The following CATSPERE variants were observed in gnomAD, a reference collection of about 807,000 sequenced individuals.
CATSPERE encodes the protein cation channel sperm-associated auxiliary subunit epsilon.
Under a neutral mutation model 114.1 loss-of-function variants are expected in CATSPERE, and 93 were observed. That is an observed-to-expected ratio of 0.81 (90% CI 0.69 to 0.97). CATSPERE has a LOEUF of 0.97. Ranked by LOEUF, CATSPERE falls within the 50% of genes least tolerant of loss-of-function variation. The pLI, the probability that CATSPERE is intolerant of heterozygous loss-of-function variation, is 0.00. For missense variants in CATSPERE, 1,058 were observed against 1,131.6 expected, an observed-to-expected ratio of 0.93 and a Z score of 0.93; for synonymous variants, 341 against 384.1, an observed-to-expected ratio of 0.89 and a Z score of 1.31.
chr1:244,609,937 C>T (rs1029613086), intron 18 of CATSPERE, among the ~76,000 whole-genome samples: 2 of 152,116 alleles, frequency 1.3e-5, no homozygotes, highest in African/African-American at 2.4e-5. Context: ...GTCCTAGGTA[C>T]TTGAGAGGCT....
At chr1:244,590,051 T>C (rs964235718) in intron 14 of CATSPERE, among the ~76,000 whole-genome samples, 3 of 152,172 alleles carry the variant, frequency 2.0e-5, no homozygotes, top group Non-Finnish European at 2.9e-5. Context: ...AGTTGTCAAC[T>C]CTTGGGGTCC....
chr1:244,619,934 G>A (rs960696810), intron 20 of CATSPERE, among the ~76,000 whole-genome samples: 1 of 152,096 alleles, frequency 6.6e-6, no homozygotes, highest in African/African-American at 2.4e-5. Context: ...AATTTTATTA[G>A]GAGACTTTAA....
intron 2 of CATSPERE, among the ~76,000 whole-genome samples, chr1:244,467,350 G>C (rs941709970): frequency 6.6e-6 from 1 of 152,116 alleles, no homozygotes; most frequent in Admixed American, 6.5e-5. Context: ...CACAAAAAAG[G>C]ATGTACAAAT....
chr1:244,630,339 A>T (rs920138710), intron 20 of CATSPERE, among the ~76,000 whole-genome samples: 3 of 152,214 alleles, frequency 2.0e-5, no homozygotes, highest in Admixed American at 1.3e-4. Context: ...GTACAGTGTA[A>T]TATATTTAAG....
intron 5 of CATSPERE, among the ~76,000 whole-genome samples, chr1:244,488,636 G>A (rs185733405): frequency 1.2e-4 from 18 of 152,116 alleles, no homozygotes; most frequent in Admixed American, 3.9e-4. Flanking sequence ...TTTTATTATC[G>A]ACAAGTATTT....
chr1:244,538,027 A>G (rs1322914468), intron 8 of CATSPERE, among the ~76,000 whole-genome samples: 2 of 152,186 alleles, frequency 1.3e-5, no homozygotes, highest in African/African-American at 4.8e-5. Flanking sequence ...AACTAGTTGT[A>G]AAAATGCATG....
chr1:244,547,350 G>A (rs1659916792), intron 8 of CATSPERE, among the ~76,000 whole-genome samples: 1 of 152,128 alleles, frequency 6.6e-6, no homozygotes. Context: ...TGAAAGAAAA[G>A]GATGCTAATG....
intron 17 of CATSPERE, among the ~76,000 whole-genome samples, chr1:244,603,080 CTGGTTGTAG>C (rs1669494899): frequency 1.3e-5 from 2 of 152,074 alleles, no homozygotes; most frequent in African/African-American, 4.8e-5. Flanking sequence ...GGGACTCTCC[CTGGTTGTAG>C]TGTGTCTGCC....
intron 7 of CATSPERE, among the ~76,000 whole-genome samples, chr1:244,516,524 G>GC (rs1676652367): frequency 7.0e-6 from 1 of 142,268 alleles, no homozygotes; most frequent in Non-Finnish European, 1.5e-5. Context: ...AAAGGGTTTT[G>GC]TTTTTTTTTT....
rs887192399 is a variant in CATSPERE, at chr1:244,637,465, A to G, written c.2702+1923A>G. On this transcript the variant is annotated intron_variant, in intron 21 of 21. Transcript: ENST00000366534. ...CACCTTCCACACTGTCATTACTTGT[A>G]ACTTCTCTGCTTCCTAAAGCATCAA... Among the ~76,000 whole-genome samples, 16 of 152,236 alleles carry G rather than the reference A, an allele frequency of 1.1e-4. No individual in the cohort carries two copies. The East Asian group carries it at 3.1e-3, about 29-fold the overall frequency.
chr1:244,489,705 G>A (rs565965663), intron 5 of CATSPERE, among the ~76,000 whole-genome samples: 109 of 152,072 alleles, frequency 7.2e-4, no homozygotes, highest in African/African-American at 2.6e-3. Flanking sequence ...AACTTGCTTA[G>A]GTCAGGGTAT....
At chr1:244,476,906 G>A (rs776292353) in intron 2 of CATSPERE, among the ~76,000 whole-genome samples, 8 of 152,188 alleles carry the variant, frequency 5.3e-5, no homozygotes, top group South Asian at 2.1e-4. Context: ...GTTTTTAAGC[G>A]AAGGATCATT....
At chr1:244,580,955 T>A (rs1393790569) in intron 11 of CATSPERE, among the ~76,000 whole-genome samples, 1 of 151,974 alleles carries the variant, frequency 6.6e-6, no homozygotes, top group East Asian at 1.9e-4. Context: ...GAGCCAAGAT[T>A]GCGCCATTGC....
At chr1:244,561,193 C>A (rs1039395561) in intron 10 of CATSPERE, 48 bp downstream of exon 10, 2 of 1,287,364 alleles carry the variant, frequency 1.6e-6, no homozygotes, top group Non-Finnish European at 1.1e-6. Context: ...TCACTATAGA[C>A]ATCTTCCTTA....
At chr1:244,454,012 C>G (rs7518614), upstream of CATSPERE, among the ~76,000 whole-genome samples, 1 of 152,142 alleles carries the variant, frequency 6.6e-6, no homozygotes, top group African/African-American at 2.4e-5. Context: ...GGGATACTCC[C>G]GGAGTTCTTG....
chr1:244,451,733 G>T, upstream of CATSPERE: 1 of 1,608,106 alleles, frequency 6.2e-7, no homozygotes, highest in Non-Finnish European at 8.5e-7. This position sits in a 1 kb window ranked among gnomAD's most constrained non-coding sequence, Gnocchi z 6.6. Context: ...ACCGTCACCC[G>T]GTTTCCTCCG....
chr1:244,637,175 A>C (rs1674732902), intron 21 of CATSPERE, among the ~76,000 whole-genome samples: 1 of 152,110 alleles, frequency 6.6e-6, no homozygotes, highest in Admixed American at 6.5e-5. Context: ...TTCTTGTAAC[A>C]AAACCAAAAA....
At chr1:244,451,590 C>A, upstream of CATSPERE, 1 of 1,560,538 alleles carries the variant, frequency 6.4e-7, no homozygotes, top group Non-Finnish European at 8.7e-7. This position sits in a 1 kb window ranked among gnomAD's most constrained non-coding sequence, Gnocchi z 6.6. Context: ...CCAGGCAGCC[C>A]GAGCTCCCGG....
intron 7 of CATSPERE, among the ~76,000 whole-genome samples, chr1:244,503,889 A>G (rs187642605): frequency 6.6e-6 from 1 of 152,348 alleles, no homozygotes; most frequent in African/African-American, 2.4e-5. Flanking sequence ...CTAATATGCT[A>G]TTAAACCCAC....
Sources: allele counts gnomAD v4.1 joint callset (sites outside exome capture counted in the v4.1 genomes callset), GRCh38; gene constraint gnomAD v4.1.1; non-coding constraint Gnocchi (gnomAD v3.1); transcripts MANE v1.5; gene names NCBI Gene and HGNC (gene_info 2026-07-23, HGNC 2026-07-21).